The following HIVEP1 variants were observed in gnomAD, a reference collection of about 807,000 sequenced individuals.
HIVEP1 encodes zinc finger protein 40.
HIVEP1 carries 36 observed loss-of-function variants against 180.0 expected under a neutral mutation model. The ratio of observed to expected loss-of-function variants is 0.20; its 90% CI spans 0.15 to 0.26. HIVEP1 has a LOEUF of 0.26. HIVEP1 is among the 10% of genes least tolerant of loss of function. HIVEP1 has a pLI of 1.00. For synonymous variants in HIVEP1, 1,239 were observed against 1,239.0 expected (o/e 1.00, Z 0.00); for missense variants, 3,143 against 3,268.7 (o/e 0.96, Z 0.94).
chr6:12,122,059 A>G lies in HIVEP1; in HGVS notation c.2264A>G (p.Asn755Ser). 6.2e-7 allele frequency: 1 copy of G among 1,614,184 alleles called. No homozygotes were observed. The highest frequency in any genetic ancestry group is 8.5e-7 in the Non-Finnish European group (1 of 1,180,022). The change falls in exon 4 of 9, where the codon AAT (asparagine) becomes AGT (serine). Residue 755 changes from asparagine (N) to serine (S), a missense_variant. Transcript: ENST00000379388. The part of the protein sequence containing the change: ...EERISKLISD[N>S]EALVDDKQLD... The stretch of plus-strand genomic sequence containing the variant: ...CGGATATCGAAGCTTATCTCAGACA[A>G]TGAAGCTTTGGTAGATGACAAGCAA...
At chr6:12,177,354 T>C in the HIVEP1 span, among the ~76,000 whole-genome samples, 19 of 152,176 alleles carry the variant, frequency 1.2e-4, no homozygotes, top group Admixed American at 4.6e-4. Context: ...AGGGGCCATG[T>C]TCATGGTAGC....
At chr6:12,008,070 T>C (rs1767101381), upstream of HIVEP1, 1 of 152,180 alleles carries the variant, frequency 6.6e-6, no homozygotes, top group African/African-American at 2.4e-5. Flanking sequence ...TGTAGTGTTT[T>C]GTTAGTGATG....
intron 7 of HIVEP1, among the ~76,000 whole-genome samples, chr6:12,144,536 T>C (rs984733020): frequency 6.6e-6 from 1 of 152,162 alleles, no homozygotes; most frequent in Non-Finnish European, 1.5e-5. Flanking sequence ...AAATGGGATC[T>C]AATTAAACTA....
chr6:12,148,496 G>C (rs1227760596), intron 7 of HIVEP1, among the ~76,000 whole-genome samples: 1 of 152,170 alleles, frequency 6.6e-6, no homozygotes, highest in Non-Finnish European at 1.5e-5. Flanking sequence ...GTGTAAAGTG[G>C]GATATTTTAA....
chr6:12,059,375 C>T (rs1384396514), intron 2 of HIVEP1, among the ~76,000 whole-genome samples: 5 of 148,376 alleles, frequency 3.4e-5, no homozygotes, highest in Non-Finnish European at 7.5e-5. Flanking sequence ...TTTTGGGGGG[C>T]GGGGTACAGA....
chr6:12,168,330 TATA>T (rs1760809446), downstream of HIVEP1, among the ~76,000 whole-genome samples: 1 of 30,810 alleles, frequency 3.2e-5, no homozygotes, highest in Non-Finnish European at 7.5e-5. Flanking sequence ...ATATATATTA[TATA>T]ATTATATATA....
intron 2 of HIVEP1, among the ~76,000 whole-genome samples, chr6:12,083,135 A>G (rs12664373): frequency 0.24 from 36,423 of 152,100 alleles, 4,769 homozygotes; most frequent in East Asian, 0.47. Flanking sequence ...ATATGAGTGT[A>G]TATGTCTGTC....
chr6:12,176,234 T>TG, the HIVEP1 span, among the ~76,000 whole-genome samples: 1 of 8,590 alleles, frequency 1.2e-4, no homozygotes, highest in Non-Finnish European at 3.2e-4. Flanking sequence ...AAGTCTTGGG[T>TG]TTTTTTTTTT....
intron 4 of HIVEP1, 43 bp from the exon 5 acceptor site, chr6:12,129,716 T>C: frequency 6.7e-7 from 1 of 1,491,696 alleles, no homozygotes; most frequent in Non-Finnish European, 9.3e-7. Context: ...CATGCTTGTG[T>C]TTTCAGTTTT....
intron 7 of HIVEP1, among the ~76,000 whole-genome samples, chr6:12,137,340 A>G (rs1486539344): frequency 1.3e-5 from 2 of 152,240 alleles, no homozygotes; most frequent in Non-Finnish European, 2.9e-5. Context: ...GGTAGTACTT[A>G]TATCTTAAAT....
the HIVEP1 span, among the ~76,000 whole-genome samples, chr6:12,209,018 G>A: frequency 2.6e-5 from 4 of 152,176 alleles, no homozygotes; most frequent in East Asian, 1.9e-4. Context: ...TTCTGCACAC[G>A]TGCCATTCCC....
At chr6:12,202,373 A>G in the HIVEP1 span, among the ~76,000 whole-genome samples, 1 of 152,108 alleles carries the variant, frequency 6.6e-6, no homozygotes, top group African/African-American at 2.4e-5. Context: ...TCCTGGGCTC[A>G]AGCGATCCTC....
intron 2 of HIVEP1, among the ~76,000 whole-genome samples, chr6:12,015,876 C>T (rs779505722): frequency 1.8e-4 from 27 of 152,202 alleles, no homozygotes; most frequent in African/African-American, 5.8e-4. Context: ...TTGAATTTGA[C>T]GAAATTACAG....
chr6:12,013,514 C>T (rs1047729708), intron 1 of HIVEP1, among the ~76,000 whole-genome samples: 5 of 152,166 alleles, frequency 3.3e-5, no homozygotes, highest in Admixed American at 2.6e-4. Context: ...AGCAGAAAGC[C>T]TTTACGGACA....
chr6:12,130,088 A>G (rs1425795372), intron 5 of HIVEP1, among the ~76,000 whole-genome samples, 196 bp downstream of exon 5: 1 of 152,076 alleles, frequency 6.6e-6, no homozygotes, highest in African/African-American at 2.4e-5. Flanking sequence ...AATGATGACT[A>G]TTTGGGAAAT....
chr6:12,180,109 C>T, the HIVEP1 span, among the ~76,000 whole-genome samples: 1 of 142,614 alleles, frequency 7.0e-6, no homozygotes, highest in Non-Finnish European at 1.6e-5. Context: ...CTAAACACTT[C>T]ACATTTTTTT....
downstream of HIVEP1, among the ~76,000 whole-genome samples, chr6:12,169,198 T>C (rs1276000920): frequency 6.6e-6 from 1 of 152,010 alleles, no homozygotes; most frequent in Non-Finnish European, 1.5e-5. Context: ...ATGCATTTTT[T>C]ATTTAGGATA....
chr6:12,094,471 T>C (rs1037318850), intron 3 of HIVEP1, among the ~76,000 whole-genome samples: 1 of 152,010 alleles, frequency 6.6e-6, no homozygotes, highest in Non-Finnish European at 1.5e-5. Flanking sequence ...CTGTATATTT[T>C]TTAGTTGCTT....
the HIVEP1 span, among the ~76,000 whole-genome samples, chr6:12,189,230 A>C: frequency 9.9e-5 from 15 of 152,028 alleles, no homozygotes; most frequent in African/African-American, 3.6e-4. Context: ...AATCATGAAA[A>C]TACCAGTAAA....
Sources: allele counts gnomAD v4.1 joint callset (sites outside exome capture counted in the v4.1 genomes callset), GRCh38; gene constraint gnomAD v4.1.1; transcripts MANE v1.5; gene names NCBI Gene and HGNC (gene_info 2026-07-23, HGNC 2026-07-21).